Variants in EPS8 observed in about 807,000 individuals in gnomAD.
EPS8 encodes the protein epidermal growth factor receptor kinase substrate 8.
In EPS8, 42 loss-of-function variants were observed where a neutral mutation model predicts 103.8. That is an observed-to-expected ratio of 0.40 (90% confidence interval 0.32 to 0.52). EPS8 has a LOEUF of 0.52. EPS8 is among the 20% of genes least tolerant of loss of function. The pLI is 0.40. For synonymous variants in EPS8, 344 were observed against 344.6 expected (o/e 1.00, Z 0.02); for missense variants, 969 against 1,005.1 (o/e 0.96, Z 0.49).
chr12:15,739,531 T>C (rs552079576), intron 1 of EPS8, among the ~76,000 whole-genome samples: 1 of 152,082 alleles, frequency 6.6e-6, no homozygotes, highest in Non-Finnish European at 1.5e-5. Flanking sequence ...GGTGAATTTC[T>C]TCCCACTCTT....
rs1271630637 is a variant in EPS8, at chr12:15,760,556, T to C, written c.-22+28605A>G. ...ATTGATGCACAAATCCTCAAACAAA[T>C]ACCAGCAAACCGAATTCAATAATAC... is the stretch of plus-strand genomic sequence containing the variant. On this transcript the variant is annotated intron_variant, in intron 1 of 20. Transcript: ENST00000281172. This position sits in a 1 kb window ranked among gnomAD's most constrained non-coding sequence, Gnocchi z 4.5. Among the ~76,000 whole-genome samples, 2 of 151,956 alleles carry C rather than the reference T, an allele frequency of 1.3e-5. No homozygotes were observed. The highest frequency in any genetic ancestry group is 2.9e-5 in the Non-Finnish European group (2 of 67,942).
At chr12:15,715,406 T>TTC (rs1946521203) in intron 1 of EPS8, among the ~76,000 whole-genome samples, 1 of 147,406 alleles carries the variant, frequency 6.8e-6, no homozygotes, top group African/African-American at 2.5e-5. Context: ...TTTTTTTTTT[T>TTC]TTTTGAGATG....
chr12:15,644,554 C>G (rs915446320), intron 15 of EPS8, among the ~76,000 whole-genome samples: 1 of 151,998 alleles, frequency 6.6e-6, no homozygotes, highest in Non-Finnish European at 1.5e-5. Context: ...AAAAATTAGC[C>G]GGGCATGGTG....
chr12:15,661,237 C>T (rs1945600191), intron 9 of EPS8, among the ~76,000 whole-genome samples: 1 of 152,136 alleles, frequency 6.6e-6, no homozygotes, highest in African/African-American at 2.4e-5. Flanking sequence ...ATGCACCATG[C>T]TTTCAGAGAT....
rs2135963195 is a variant in EPS8, at chr12:15,713,194, T to C, written c.-21-30222A>G. On this transcript the variant is annotated intron_variant, in intron 1 of 20. Coordinates refer to ENST00000281172, the MANE Select transcript of EPS8 (RefSeq NM_004447.6). The surrounding 1 kb of genome is among the most constrained non-coding windows in gnomAD (Gnocchi z 4.8). ...CTGTGTGGTCTAAATTAACGCTATA[T>C]ACACAGACACCATTATTACTCCCAT... 1 of 157,078 alleles carries C rather than the reference T, an allele frequency of 6.4e-6. No homozygotes were observed. Among genetic ancestry groups the C allele is most frequent in the Middle Eastern group, 3.2e-3 (1 of 308 alleles). The allele number at this position is 157,078 out of a possible 1,614,324, so 9.7% of individuals were successfully genotyped here.
intron 1 of EPS8, among the ~76,000 whole-genome samples, chr12:15,694,906 T>A (rs2135924265): frequency 6.6e-6 from 1 of 152,292 alleles, no homozygotes; most frequent in East Asian, 1.9e-4. Flanking sequence ...GCAGTAAATT[T>A]TTTCATAACC....
At chr12:15,712,999 A>G (rs1051200271) in intron 1 of EPS8, 1 of 985,160 alleles carries the variant, frequency 1.0e-6, no homozygotes, top group African/African-American at 1.7e-5. Context: ...ATTGTACTGT[A>G]CCAAACAAAA....
Position 15,777,940 on chromosome 12 carries a change from A to T in EPS8, c.-22+11221T>A, listed in dbSNP as rs1161712027. 6.6e-6 allele frequency among the ~76,000 whole-genome samples: 1 copy of T among 152,212 alleles called. No individual in the cohort carries two copies. The highest frequency in any genetic ancestry group is 2.4e-5 in the African/African-American group (1 of 41,462). On this transcript the variant is annotated intron_variant, in intron 1 of 20. Transcript: ENST00000281172. The surrounding 1 kb of genome is among the most constrained non-coding windows in gnomAD (Gnocchi z 4.7). ...GTTTATGGATGTTGTACTAACTGGG[A>T]CTGAAACTTTTTGTTTCAACAGTTT...
chr12:15,645,163 G>GA (rs1480724685), intron 15 of EPS8, among the ~76,000 whole-genome samples: 5 of 151,744 alleles, frequency 3.3e-5, no homozygotes, highest in Admixed American at 6.6e-5. Context: ...CTGTGGTGAG[G>GA]AAAAAAAATT....
chr12:15,755,314 T>C (rs904945777), intron 1 of EPS8, among the ~76,000 whole-genome samples: 2 of 152,178 alleles, frequency 1.3e-5, no homozygotes, highest in Non-Finnish European at 2.9e-5. Context: ...ATGCAAAACC[T>C]ATATATTCAA....
Position 15,727,532 on chromosome 12 carries a change from G to A in EPS8, c.-21-44560C>T, listed in dbSNP as rs907511552. On this transcript the variant is annotated intron_variant, in intron 1 of 20. Coordinates refer to ENST00000281172, the MANE Select transcript of EPS8 (RefSeq NM_004447.6). This position sits in a 1 kb window ranked among gnomAD's most constrained non-coding sequence, Gnocchi z 4.3. ...CATTGCTACAACTTTTGTAAATACAGTAAAGCAAGGTATTTAAAATTCTGA... is the reference window on the plus strand; with the variant it reads ...CATTGCTACAACTTTTGTAAATACAATAAAGCAAGGTATTTAAAATTCTGA... 3.3e-5 allele frequency among the ~76,000 whole-genome samples: 5 copies of A among 152,112 alleles called. No individual in the cohort carries two copies. The highest frequency in any genetic ancestry group is 3.3e-4 in the Admixed American group (5 of 15,274).
intron 1 of EPS8, among the ~76,000 whole-genome samples, chr12:15,774,696 AAT>A (rs1201010097): frequency 2.0e-5 from 3 of 146,742 alleles, no homozygotes; most frequent in African/African-American, 4.9e-5. Flanking sequence ...TAAATATATA[AAT>A]ATATATATAT....
chr12:15,719,570 A>G (rs1393645166), intron 1 of EPS8, among the ~76,000 whole-genome samples: 2 of 152,220 alleles, frequency 1.3e-5, no homozygotes, highest in Non-Finnish European at 2.9e-5. Context: ...CCACAGTGAT[A>G]CACTCACATT....
At chr12:15,667,982 G>T (rs189579857) in intron 6 of EPS8, among the ~76,000 whole-genome samples, 4 of 151,904 alleles carry the variant, frequency 2.6e-5, no homozygotes, top group Non-Finnish European at 2.9e-5. Flanking sequence ...TCCCGGGGGG[G>T]GCTTTTTAGA....
chr12:15,662,352 A>G, intron 8 of EPS8: 1 of 1,198,698 alleles, frequency 8.3e-7, no homozygotes, highest in Non-Finnish European at 1.0e-6. Context: ...ATATCACCCC[A>G]TTCTCTCTCT....
In EPS8 at chr12:15,713,348, G is replaced by A. The variant is rs1946492111; in HGVS notation, c.-21-30376C>T. ...ACACTAAGAAAAGAAGAAAATAAGT[G>A]TAACAAAATTAAATACATAGCTTTA... On this transcript the variant is annotated intron_variant, in intron 1 of 20. Coordinates refer to ENST00000281172, the MANE Select transcript of EPS8 (RefSeq NM_004447.6). The surrounding 1 kb of genome is among the most constrained non-coding windows in gnomAD (Gnocchi z 4.8). 1 of 152,088 alleles carries A rather than the reference G, an allele frequency of 6.6e-6. No homozygotes were observed. The highest frequency in any genetic ancestry group is 1.5e-5 in the Non-Finnish European group (1 of 68,002). 9.4% of individuals were successfully genotyped at this position (152,088 alleles called of 1,614,324 possible).
chr12:15,691,784 C>T (rs1035203442), intron 1 of EPS8, among the ~76,000 whole-genome samples: 2 of 152,130 alleles, frequency 1.3e-5, no homozygotes, highest in Non-Finnish European at 2.9e-5. Flanking sequence ...AAATGCTATT[C>T]ACAGTATACT....
At position 15,764,543 on chromosome 12, in the gene EPS8, T is replaced by C. The variant is rs1054687098; in HGVS notation, c.-22+24618A>G. On this transcript the variant is annotated intron_variant, in intron 1 of 20. Coordinates refer to ENST00000281172, the MANE Select transcript of EPS8 (RefSeq NM_004447.6). The surrounding 1 kb of genome is among the most constrained non-coding windows in gnomAD (Gnocchi z 4.1). ...AAACCAACAGGCCTTTGAAGAACTTTTCTCTCTCTAAATCTATGACTATAC... is the reference window on the plus strand; with the variant it reads ...AAACCAACAGGCCTTTGAAGAACTTCTCTCTCTCTAAATCTATGACTATAC... Among the ~76,000 whole-genome samples, 2 of 152,204 alleles carry C rather than the reference T, an allele frequency of 1.3e-5. No individual in the cohort carries two copies. The highest frequency in any genetic ancestry group is 4.8e-5 in the African/African-American group (2 of 41,446).
chr12:15,705,053 T>C (rs1394730194), intron 1 of EPS8, among the ~76,000 whole-genome samples: 1 of 152,216 alleles, frequency 6.6e-6, no homozygotes, highest in East Asian at 1.9e-4. Context: ...ACACAATCTC[T>C]AATTTACAAA....
Sources: allele counts gnomAD v4.1 joint callset (sites outside exome capture counted in the v4.1 genomes callset), GRCh38; gene constraint gnomAD v4.1.1; non-coding constraint Gnocchi (gnomAD v3.1); transcripts MANE v1.5; gene names NCBI Gene and HGNC (gene_info 2026-07-23, HGNC 2026-07-21).